Variants in MIOS observed in about 807,000 individuals in gnomAD.
MIOS encodes GATOR2 complex protein MIOS.
MIOS carries 52 observed loss-of-function variants against 96.9 expected under a neutral mutation model. The observed-to-expected ratio is 0.54, with a 90% CI of 0.43 to 0.68. The LOEUF is 0.68. Among genes scored for constraint, MIOS ranks in the 30% least tolerant of loss-of-function variants. The probability of loss-of-function intolerance (pLI) is 0.00; values close to 1 mark genes in which losing one functional copy is unlikely to be tolerated. For synonymous variants in MIOS, 397 were observed against 359.5 expected (o/e 1.10, Z -1.18); for missense variants, 1,005 against 1,052.8 (o/e 0.95, Z 0.63).
chr7:7,608,114 G>A lies in MIOS; in HGVS notation c.*1022G>A, dbSNP rs1784579078. The stretch of plus-strand genomic sequence containing the variant: ...ACTTCAGAGACCATTTTAGATGTAA[G>A]TTTTTAAATGTAAGTGTTACTGGGG... On this transcript the variant is annotated 3_prime_UTR_variant, in exon 13 of 13. Transcript: ENST00000340080. 1 of 151,664 alleles carries A rather than the reference G, an allele frequency of 6.6e-6. No individual in the cohort carries two copies. The highest frequency in any genetic ancestry group is 6.6e-5 in the Admixed American group (1 of 15,154). 9.4% of individuals were successfully genotyped at this position (151,664 alleles called of 1,614,324 possible).
At chr7:7,586,040 T>A (rs1363750275) in intron 7 of MIOS, among the ~76,000 whole-genome samples, 1 of 152,126 alleles carries the variant, frequency 6.6e-6, no homozygotes, top group Non-Finnish European at 1.5e-5. Context: ...TTAATATAAT[T>A]TACAGATATA....
At chr7:7,604,042 C>T (rs1337189030) in intron 11 of MIOS, among the ~76,000 whole-genome samples, 2 of 137,398 alleles carry the variant, frequency 1.5e-5, no homozygotes, top group African/African-American at 2.7e-5. Flanking sequence ...GTAAGGGGAA[C>T]ATTACACATC....
intron 8 of MIOS, 52 bp downstream of exon 8, chr7:7,588,615 A>G (rs374587606): frequency 3.0e-5 from 35 of 1,181,176 alleles, no homozygotes; most frequent in Non-Finnish European, 3.8e-5. Context: ...TACTGTCACA[A>G]TTATGTAAGA....
chr7:7,569,460 G>C (rs937910704), intron 3 of MIOS, among the ~76,000 whole-genome samples: 2 of 152,250 alleles, frequency 1.3e-5, no homozygotes, highest in African/African-American at 4.8e-5. Context: ...GCCGGAGCCA[G>C]CCTCTCCTAG....
Position 7,601,468 on chromosome 7 carries a change from C to G in MIOS, c.2402-4474C>G, listed in dbSNP as rs560776443. 3.7e-3 allele frequency among the ~76,000 whole-genome samples: 569 copies of G among 152,230 alleles called. 2 individuals carry two copies. Among genetic ancestry groups the G allele is most frequent in the South Asian group, 0.019 (90 of 4,826 alleles). The stretch of plus-strand genomic sequence containing the variant: ...CCTCTATGCAAATAAACTAGAAAAT[C>G]TAGAAGAAATGGATAAATTCCTGGA... On this transcript the variant is annotated intron_variant, in intron 11 of 12. Transcript: ENST00000340080.
intron 11 of MIOS, among the ~76,000 whole-genome samples, chr7:7,598,012 T>C (rs1784267187): frequency 6.6e-6 from 1 of 152,246 alleles, no homozygotes; most frequent in Admixed American, 6.5e-5. Context: ...TTATTCTTTA[T>C]AGTAAACATA....
chr7:7,596,711 A>G (rs1250419924), intron 11 of MIOS, among the ~76,000 whole-genome samples: 1 of 152,254 alleles, frequency 6.6e-6, no homozygotes. Flanking sequence ...AAACTTAAAT[A>G]TGAAATAATC....
intron 5 of MIOS, chr7:7,581,600 G>C (rs965210586): frequency 2.0e-5 from 3 of 152,174 alleles, no homozygotes; most frequent in African/African-American, 4.8e-5. Context: ...CAAGTTCATG[G>C]AGTTGTTGGC....
chr7:7,587,690 C>G (rs376053222), intron 7 of MIOS, among the ~76,000 whole-genome samples: 1 of 152,016 alleles, frequency 6.6e-6, no homozygotes, highest in Admixed American at 6.6e-5. Flanking sequence ...GAAATATGTT[C>G]TCTCTTTAGG....
rs749481626 is a variant in MIOS, at chr7:7,588,579, A to G, written c.1884+16A>G. ...TGATACTCAGGTGAAAACTGATTTA[A>G]TTCCACATTTGAAGTAATTAATATG... On this transcript the variant is annotated intron_variant, in intron 8 of 12. Coordinates refer to ENST00000340080, the MANE Select transcript of MIOS (RefSeq NM_019005.4). 6.5e-7 allele frequency: 1 copy of G among 1,540,270 alleles called. No individual in the cohort carries two copies. Among genetic ancestry groups the G allele is most frequent in the Non-Finnish European group, 8.8e-7 (1 of 1,130,280 alleles).
chr7:7,572,454 C>T lies in MIOS; in HGVS notation c.-22C>T. The T allele has an allele frequency of 6.4e-7, 1 of 1,573,700 alleles. No homozygotes were observed. Among genetic ancestry groups the T allele is most frequent in the South Asian group, 1.1e-5 (1 of 87,898 alleles). On this transcript the variant is annotated 5_prime_UTR_variant, in exon 4 of 13. Coordinates refer to ENST00000340080, the MANE Select transcript of MIOS (RefSeq NM_019005.4). The surrounding 1 kb of genome is among the most constrained non-coding windows in gnomAD (Gnocchi z 4.8). ...TTTTCAGTGAATGGACCTGAGTGGACCCTTTGATCACATCAGTAAACATGA... is the reference window on the plus strand; with the variant it reads ...TTTTCAGTGAATGGACCTGAGTGGATCCTTTGATCACATCAGTAAACATGA...
intron 12 of MIOS, among the ~76,000 whole-genome samples, chr7:7,606,294 T>A (rs1784529282): frequency 6.6e-6 from 1 of 152,224 alleles, no homozygotes. Flanking sequence ...TTTAAATGTT[T>A]TGTATGAGTT....
intron 9 of MIOS, among the ~76,000 whole-genome samples, chr7:7,592,777 G>A (rs1268858145): frequency 1.3e-5 from 2 of 152,164 alleles, no homozygotes; most frequent in East Asian, 1.9e-4. Flanking sequence ...AGGCACTAAT[G>A]TGAGGGATGG....
intron 11 of MIOS, among the ~76,000 whole-genome samples, chr7:7,602,074 G>A (rs1301239451): frequency 2.0e-5 from 3 of 152,078 alleles, no homozygotes; most frequent in Non-Finnish European, 2.9e-5. Flanking sequence ...GATGTATCAC[G>A]AAATAATAAG....
chr7:7,608,197 G>T lies in MIOS; in HGVS notation c.*1105G>T, dbSNP rs918115566. ...TTTCTCATTTCATAGCTAGATAGTT[G>T]TAAGAGAAATACAAAGAATTTACAA... is the stretch of plus-strand genomic sequence containing the variant. On this transcript the variant is annotated 3_prime_UTR_variant, in exon 13 of 13. Transcript: ENST00000340080. The T allele has an allele frequency of 6.6e-6, 1 of 151,718 alleles. No individual in the cohort carries two copies. Among genetic ancestry groups the T allele is most frequent in the African/African-American group, 2.4e-5 (1 of 41,304 alleles). The allele number at this position is 151,718 out of a possible 1,614,324, so 9.4% of individuals were successfully genotyped here. A position where few individuals can be genotyped will look rare whatever the true frequency, so the allele number is the denominator to read the frequency against.
In MIOS at chr7:7,572,715, T is replaced by C; in HGVS notation, c.240T>C (p.Val80=). ...LNYDPECLLA[V]GQANGRVVLT... is the part of the protein sequence containing the mutation. ...ATGATCCTGAATGTCTGCTGGCAGT[T>C]GGACAAGCAAATGGTCGAGTTGTAC... The change falls in exon 4 of 13, where the codon GTT becomes GTC. Residue 80 remains valine (V), a synonymous_variant. Coordinates refer to ENST00000340080, the MANE Select transcript of MIOS (RefSeq NM_019005.4). This position sits in a 1 kb window ranked among gnomAD's most constrained non-coding sequence, Gnocchi z 4.8. 1 of 1,614,206 alleles carries C rather than the reference T, an allele frequency of 6.2e-7. No homozygotes were observed. Among genetic ancestry groups the C allele is most frequent in the East Asian group, 2.2e-5 (1 of 44,886 alleles).
Position 7,570,864 on chromosome 7 carries a change from T to C in MIOS, c.-40-1572T>C, listed in dbSNP as rs547239584. Among the ~76,000 whole-genome samples, 3 of 152,312 alleles carry C rather than the reference T, an allele frequency of 2.0e-5. No individual in the cohort carries two copies. In the South Asian group the frequency reaches 6.2e-4, roughly 32 times the overall value. On this transcript the variant is annotated intron_variant, in intron 3 of 12. Transcript: ENST00000340080. The stretch of plus-strand genomic sequence containing the variant: ...TGCCTGCTGCTCACCTCCTGCTGTG[T>C]GGCCTGGTTCCTAACAGGCCAGGGA...
rs980601582 is a variant in MIOS, at chr7:7,600,844, G to C, written c.2401+4383G>C. Among the ~76,000 whole-genome samples, 24 of 152,262 alleles carry C rather than the reference G, an allele frequency of 1.6e-4. 1 individual carries two copies. The highest frequency in any genetic ancestry group is 3.1e-4 in the Non-Finnish European group (21 of 68,024). Reference sequence around the variant, plus strand: ...AAAGCACTCCTCAGCAAATGTAAAAGAACAGAAATTATAACAAACTGTCTC... The same window carrying C: ...AAAGCACTCCTCAGCAAATGTAAAACAACAGAAATTATAACAAACTGTCTC... On this transcript the variant is annotated intron_variant, in intron 11 of 12. Coordinates refer to ENST00000340080, the MANE Select transcript of MIOS (RefSeq NM_019005.4).
At chr7:7,588,211 A>T (rs1354718919) in intron 7 of MIOS, among the ~76,000 whole-genome samples, 1 of 152,138 alleles carries the variant, frequency 6.6e-6, no homozygotes, top group African/African-American at 2.4e-5. Flanking sequence ...ATCATTGCTT[A>T]TGTTTTATGT....
Sources: gnomAD v4.1 joint callset for allele counts (sites outside exome capture counted in the v4.1 genomes callset) on GRCh38, gnomAD v4.1.1 for gene constraint, Gnocchi (gnomAD v3.1) non-coding constraint, MANE v1.5 for transcripts, NCBI Gene and HGNC (gene_info 2026-07-23, HGNC 2026-07-21) for gene names.